The following AZIN2 variants were observed in gnomAD, a reference collection of about 807,000 sequenced individuals.
AZIN2 encodes antizyme inhibitor 2.
Under a neutral mutation model 47.8 loss-of-function variants are expected in AZIN2, and 28 were observed. The observed-to-expected ratio is 0.59, with a 90% CI of 0.43 to 0.80. The LOEUF (loss-of-function observed/expected upper bound fraction) is 0.80. AZIN2 is among the 30% of genes least tolerant of loss of function. The pLI, the probability that AZIN2 is intolerant of heterozygous loss-of-function variation, is 0.00. For missense variants in AZIN2, 535 were observed against 582.5 expected (o/e 0.92, Z 0.84); for synonymous variants, 221 against 239.4 (o/e 0.92, Z 0.71).
the AZIN2 span, chr1:33,147,067 C>T: frequency 8.1e-7 from 1 of 1,229,352 alleles, no homozygotes; most frequent in Non-Finnish European, 1.1e-6. The surrounding 1 kb of genome is among the most constrained non-coding windows in gnomAD (Gnocchi z 8.1). Flanking sequence ...AACAACTGGC[C>T]TGAGGTCTCC....
intron 10 of AZIN2, among the ~76,000 whole-genome samples, chr1:33,102,073 G>A (rs12058358): frequency 5.3e-5 from 8 of 152,144 alleles, no homozygotes; most frequent in Non-Finnish European, 1.2e-4. Flanking sequence ...GGCTTCATGA[G>A]AAAATGCCAA....
intron 8 of AZIN2, among the ~76,000 whole-genome samples, chr1:33,095,933 GT>G (rs1294326248): frequency 1.3e-5 from 2 of 152,152 alleles, no homozygotes; most frequent in African/African-American, 2.4e-5. Flanking sequence ...CGTCTCCTGG[GT>G]TCAAGAGATT....
chr1:33,111,505 T>C (rs1335632244), intron 10 of AZIN2, among the ~76,000 whole-genome samples: 2 of 152,140 alleles, frequency 1.3e-5, no homozygotes, highest in East Asian at 3.8e-4. Flanking sequence ...AATAGTTTAG[T>C]TTTGATCCCA....
chr1:33,119,878 G>T, intron 11 of AZIN2, 166 bp from the exon 12 acceptor site: 2 of 814,450 alleles, frequency 2.5e-6, no homozygotes, highest in Non-Finnish European at 3.8e-6. Flanking sequence ...GGGACCACAC[G>T]GGAGTAGGAA....
intron 4 of AZIN2, 200 bp downstream of exon 4, chr1:33,082,554 C>G (rs1641401877): frequency 8.0e-6 from 4 of 502,702 alleles, no homozygotes; most frequent in Admixed American, 3.6e-5. Flanking sequence ...GCCTTTTTAC[C>G]CAGCCCTCCA....
At chr1:33,084,394 C>T (rs960835852) in intron 5 of AZIN2, among the ~76,000 whole-genome samples, 5 of 152,164 alleles carry the variant, frequency 3.3e-5, no homozygotes, top group African/African-American at 1.2e-4. Context: ...ATTTGTTTGG[C>T]ACAGAGCTAT....
the AZIN2 span, among the ~76,000 whole-genome samples, chr1:33,132,400 G>A: frequency 6.6e-6 from 1 of 152,230 alleles, no homozygotes; most frequent in South Asian, 2.1e-4. Flanking sequence ...GATTGGACAT[G>A]GCTGTGTTTC....
intron 10 of AZIN2, among the ~76,000 whole-genome samples, chr1:33,110,110 CA>C (rs1308883926): frequency 6.6e-6 from 1 of 152,220 alleles, no homozygotes; most frequent in African/African-American, 2.4e-5. Context: ...CAGAGAATGG[CA>C]GCAAGAAAAC....
intron 5 of AZIN2, 87 bp from the exon 6 acceptor site, chr1:33,091,963 A>G: frequency 1.4e-6 from 2 of 1,438,228 alleles, no homozygotes; most frequent in East Asian, 2.3e-5. Flanking sequence ...ATGCATAGCT[A>G]TGACTTTGCC....
chr1:33,165,384 C>A, the AZIN2 span: 1 of 1,265,148 alleles, frequency 7.9e-7, no homozygotes, highest in Non-Finnish European at 1.1e-6. This position sits in a 1 kb window ranked among gnomAD's most constrained non-coding sequence, Gnocchi z 4.0. Context: ...CACCCGAGGC[C>A]CCGCCCCTCT....
chr1:33,147,754 G>T, the AZIN2 span: 1 of 1,595,260 alleles, frequency 6.3e-7, no homozygotes, highest in Non-Finnish European at 8.6e-7. This position sits in a 1 kb window ranked among gnomAD's most constrained non-coding sequence, Gnocchi z 8.1. Flanking sequence ...AGGGAGAGAA[G>T]ATGAGTGGGG....
intron 9 of AZIN2, 30 bp from the exon 10 acceptor site, chr1:33,098,037 G>A: frequency 6.4e-7 from 1 of 1,550,902 alleles, no homozygotes; most frequent in Non-Finnish European, 8.9e-7. Context: ...ATTGCTACTT[G>A]TGCTGCCTCT....
At chr1:33,126,777 A>C (rs897315579), downstream of AZIN2, among the ~76,000 whole-genome samples, 2 of 152,166 alleles carry the variant, frequency 1.3e-5, no homozygotes, top group Non-Finnish European at 2.9e-5. Flanking sequence ...TCGCCAAATA[A>C]AATACAGGAC....
intron 10 of AZIN2, chr1:33,101,777 A>G (rs145288497): frequency 6.8e-4 from 512 of 747,960 alleles, no homozygotes; most frequent in African/African-American, 6.3e-3. Flanking sequence ...TTTGCTTTAT[A>G]AAAAGGTATT....
the AZIN2 span, chr1:33,147,481 T>G: frequency 6.2e-7 from 1 of 1,613,008 alleles, no homozygotes. The surrounding 1 kb of genome is among the most constrained non-coding windows in gnomAD (Gnocchi z 8.1). Flanking sequence ...GATGCTGCCC[T>G]TGCGGCTTGC....
At chr1:33,101,856 C>T (rs532554315) in intron 10 of AZIN2, 11 of 779,630 alleles carry the variant, frequency 1.4e-5, no homozygotes, top group Non-Finnish European at 2.6e-5. Flanking sequence ...CACCCTGCTA[C>T]ATGTCTCTAG....
chr1:33,095,815 T>C (rs140098538), intron 8 of AZIN2, among the ~76,000 whole-genome samples: 1 of 152,342 alleles, frequency 6.6e-6, no homozygotes, highest in African/African-American at 2.4e-5. Flanking sequence ...ATATACTGTA[T>C]TCTTACAATA....
At chr1:33,156,681 T>C in the AZIN2 span, among the ~76,000 whole-genome samples, 28,379 of 152,152 alleles carry the variant, frequency 0.19, 3,141 homozygotes, top group South Asian at 0.3. Flanking sequence ...GCTGTCCATA[T>C]GCTAATGATG....
At chr1:33,090,941 A>G (rs1048703010) in intron 5 of AZIN2, among the ~76,000 whole-genome samples, 1 of 152,216 alleles carries the variant, frequency 6.6e-6, no homozygotes, top group Non-Finnish European at 1.5e-5. Flanking sequence ...AAGTGAGATC[A>G]TGCATGTTTG....
Sources: gnomAD v4.1 joint callset for allele counts (sites outside exome capture counted in the v4.1 genomes callset) on GRCh38, gnomAD v4.1.1 for gene constraint, Gnocchi (gnomAD v3.1) non-coding constraint, MANE v1.5 for transcripts, NCBI Gene and HGNC (gene_info 2026-07-23, HGNC 2026-07-21) for gene names.